Variants in FAM24A observed in about 807,000 individuals in gnomAD.
FAM24A encodes family with sequence similarity 24 member A.
Under a neutral mutation model 2.8 loss-of-function variants are expected in FAM24A, and 2 were observed. The ratio of observed to expected loss-of-function variants is 0.73; its 90% CI spans 0.30 to 2.28. The LOEUF is 2.28. Among genes scored for constraint, FAM24A ranks in the 30% most tolerant of loss-of-function variants. The pLI is 0.12. For synonymous variants in FAM24A, 46 were observed against 47.5 expected, an observed-to-expected ratio of 0.97 and a Z score of 0.13; for missense variants, 109 against 132.0, an observed-to-expected ratio of 0.83 and a Z score of 0.85.
At position 122,913,025 on chromosome 10, in the gene FAM24A, G is replaced by C; in HGVS notation, c.*71G>C. 7.1e-7 allele frequency: 1 copy of C among 1,414,492 alleles called. No individual in the cohort carries two copies. The highest frequency in any genetic ancestry group is 1.4e-5 in the South Asian group (1 of 73,230). 87.6% of individuals were successfully genotyped at this position (1,414,492 alleles called of 1,614,324 possible). A position where few individuals can be genotyped will look rare whatever the true frequency, so the allele number is the denominator to read the frequency against. ...CTTAATAGAATGTTTTATTATTCAA[G>C]TCAAGTTCTAGAGTGTTTACATACT... On this transcript the variant is annotated 3_prime_UTR_variant, in exon 3 of 3. Coordinates refer to ENST00000368894, the MANE Select transcript of FAM24A (RefSeq NM_001029888.3).
Position 122,913,049 on chromosome 10 carries a change from C to G in FAM24A, c.*95C>G. ...AGTCAAGTTCTAGAGTGTTTACATA[C>G]TATTATATAATGTACAGTGTTATTT... On this transcript the variant is annotated 3_prime_UTR_variant, in exon 3 of 3. Coordinates refer to ENST00000368894, the MANE Select transcript of FAM24A (RefSeq NM_001029888.3). 1 of 1,115,848 alleles carries G rather than the reference C, an allele frequency of 9.0e-7. No individual in the cohort carries two copies. Among genetic ancestry groups the G allele is most frequent in the Non-Finnish European group, 1.3e-6 (1 of 786,728 alleles). 69.1% of individuals were successfully genotyped at this position (1,115,848 alleles called of 1,614,324 possible). A position where few individuals can be genotyped will look rare whatever the true frequency, so the allele number is the denominator to read the frequency against.
Position 122,911,649 on chromosome 10 carries a change from T to C in FAM24A, c.15T>C (p.Phe5=). The C allele has an allele frequency of 6.2e-7, 1 of 1,613,984 alleles. No individual in the cohort carries two copies. The highest frequency in any genetic ancestry group is 2.2e-5 in the East Asian group (1 of 44,876). MAKM[F]DLRTKIMIGI... ...TCTCCTTAGGCATGGCAAAGATGTT[T>C]GATCTCAGGACGAAGATCATGATCG... Residue 5 remains phenylalanine (F), a synonymous_variant, in exon 2 of 3, where the codon TTT becomes TTC. Transcript: ENST00000368894.
In FAM24A at chr10:122,912,801, C is replaced by G. The variant is rs1446285991; in HGVS notation, c.165C>G (p.His55Gln). The change falls in exon 3 of 3, where the codon CAC becomes CAG. Residue 55 changes from histidine to glutamine, a missense_variant. Physicochemically the swap from His to Gln is conservative, Grantham distance 24. Coordinates refer to ENST00000368894, the MANE Select transcript of FAM24A (RefSeq NM_001029888.3). ...KDPDAVAVKNHNPDKVCWATN... is the reference protein window; with the variant it reads ...KDPDAVAVKNQNPDKVCWATN... ...CTGATGCTGTGGCTGTAAAAAATCACAACCCAGACAAGGTGTGTTGGGCCA... is the reference window on the plus strand; with the variant it reads ...CTGATGCTGTGGCTGTAAAAAATCAGAACCCAGACAAGGTGTGTTGGGCCA... 1.9e-6 allele frequency: 3 copies of G among 1,613,604 alleles called. No homozygotes were observed. The highest frequency in any genetic ancestry group is 2.5e-6 in the Non-Finnish European group (3 of 1,179,920).
At chr10:122,911,899 C>CAGAA in intron 2 of FAM24A, 140 bp downstream of exon 2, 2 of 1,073,006 alleles carry the variant, frequency 1.9e-6, no homozygotes, top group Non-Finnish European at 1.4e-6. Context: ...TTTGAAAAGG[C>CAGAA]AGAAATGGCA....
rs775879580 is a variant in FAM24A at position 122,910,703 on chromosome 10, C to G, written c.-119C>G. The G allele has an allele frequency of 1.3e-5, 2 of 152,096 alleles. No individual in the cohort carries two copies. Among genetic ancestry groups the G allele is most frequent in the African/African-American group, 2.4e-5 (1 of 41,414 alleles). 9.4% of individuals were successfully genotyped at this position (152,096 alleles called of 1,614,324 possible). A position where few individuals can be genotyped will look rare whatever the true frequency, so the allele number is the denominator to read the frequency against. ...TACTCCTAGCAGGGATAATTAGGTC[C>G]CTCTTTCTCAGATTACAGGTTTGAG... On this transcript the variant is annotated 5_prime_UTR_variant, in exon 1 of 3. Transcript: ENST00000368894.
Position 122,912,841 on chromosome 10 carries a change from A to G in FAM24A, c.205A>G (p.Lys69Glu). ...GTGTTGGGCCACGAACAGCCAGGCC[A>G]AAGCCACCACCATGGAGTCTTGTCC... ...KVCWATNSQA[K>E]ATTMESCPSL... Residue 69 changes from lysine (K) to glutamate (E), a missense_variant, in exon 3 of 3, where the codon AAA (lysine) becomes GAA (glutamate). Transcript: ENST00000368894. 1.2e-6 allele frequency: 2 copies of G among 1,614,216 alleles called. No individual in the cohort carries two copies. The highest frequency in any genetic ancestry group is 1.7e-6 in the Non-Finnish European group (2 of 1,180,046).
Position 122,912,978 on chromosome 10 carries a change from T to A in FAM24A, c.*24T>A. On this transcript the variant is annotated 3_prime_UTR_variant, in exon 3 of 3. Coordinates refer to ENST00000368894, the MANE Select transcript of FAM24A (RefSeq NM_001029888.3). ...GACTTGGGAAAGCTGGGCACAAAAA[T>A]CTTCATGAGCAATATTTCTTTCTTA... The A allele has an allele frequency of 6.3e-7, 1 of 1,575,212 alleles. No individual in the cohort carries two copies. Among genetic ancestry groups the A allele is most frequent in the Non-Finnish European group, 8.6e-7 (1 of 1,162,308 alleles).
rs1294880785 is a variant in FAM24A, at chr10:122,911,614, C to T, written c.-2-19C>T. 1.9e-6 allele frequency: 3 copies of T among 1,612,342 alleles called. No homozygotes were observed. Among genetic ancestry groups the T allele is most frequent in the Non-Finnish European group, 2.5e-6 (3 of 1,179,590 alleles). On this transcript the variant is annotated intron_variant, in intron 1 of 2. Coordinates refer to ENST00000368894, the MANE Select transcript of FAM24A (RefSeq NM_001029888.3). ...TGGGGAGGAAGGCCACGTTCTGCTT[C>T]CCTGCACTTTCTCCTTAGGCATGGC...
At chr10:122,911,092 A>G (rs1470686939) in intron 1 of FAM24A, among the ~76,000 whole-genome samples, 1 of 152,182 alleles carries the variant, frequency 6.6e-6, no homozygotes, top group African/African-American at 2.4e-5. Context: ...AAGTGTCAGG[A>G]ATCTCCTTAA....
At chr10:122,912,460 G>A (rs1564714936) in intron 2 of FAM24A, among the ~76,000 whole-genome samples, 1 of 151,952 alleles carries the variant, frequency 6.6e-6, no homozygotes, top group Non-Finnish European at 1.5e-5. Context: ...CCGGAGCCTG[G>A]GGCACAGCTG....
Position 122,912,876 on chromosome 10 carries a change from G to GTAT in FAM24A, c.241_242insATT (p.Gln80_Cys81insTyr). 6.2e-7 allele frequency: 1 copy of GTAT among 1,614,176 alleles called. No homozygotes were observed. Among genetic ancestry groups the GTAT allele is most frequent in the East Asian group, 2.2e-5 (1 of 44,870 alleles). ...CCATGGAGTCTTGTCCATCTCTCCAGTGCTGTGAAGGTTGTAGAATGCATG... is the reference window on the plus strand; with the variant it reads ...CCATGGAGTCTTGTCCATCTCTCCAGTATTGCTGTGAAGGTTGTAGAATGCATG... On this transcript the variant is annotated inframe_insertion, in exon 3 of 3. Coordinates refer to ENST00000368894, the MANE Select transcript of FAM24A (RefSeq NM_001029888.3).
rs12779420 is a variant in FAM24A, at chr10:122,911,122, G to A, written c.-3+303G>A. 4.8e-4 allele frequency among the ~76,000 whole-genome samples: 73 copies of A among 152,206 alleles called. 1 individual carries two copies. The South Asian group carries it at 9.1e-3, about 19-fold the overall frequency. On this transcript the variant is annotated intron_variant, in intron 1 of 2. Coordinates refer to ENST00000368894, the MANE Select transcript of FAM24A (RefSeq NM_001029888.3). ...CCTTAAACCCTGAGATAACCCAGTT[G>A]TTGGTGGGAAAATTGAAAACTGTTT...
intron 1 of FAM24A, among the ~76,000 whole-genome samples, chr10:122,911,143 T>G (rs975047415): frequency 6.6e-6 from 1 of 152,218 alleles, no homozygotes; most frequent in African/African-American, 2.4e-5. Flanking sequence ...AATTGAAAAC[T>G]GTTTTTCCCA....
rs747115886 is a variant in FAM24A, at chr10:122,912,901, GC to G, written c.267del (p.Ser90ValfsTer12). The G allele has an allele frequency of 6.2e-7, 1 of 1,613,886 alleles. No homozygotes were observed. The highest frequency in any genetic ancestry group is 1.7e-5 in the Admixed American group (1 of 59,984). On this transcript the variant is annotated frameshift_variant, in exon 3 of 3. Coordinates refer to ENST00000368894, the MANE Select transcript of FAM24A (RefSeq NM_001029888.3). LOFTEE classifies it low-confidence loss of function (END_TRUNC). Reference sequence around the variant, plus strand: ...GTGCTGTGAAGGTTGTAGAATGCATGCCAGTTCTGATTCCCTGCCACCTTGC... The same window carrying G: ...GTGCTGTGAAGGTTGTAGAATGCATGCAGTTCTGATTCCCTGCCACCTTGC... ...LQCCEGCRMHASSDSLPPCCC... is the reference protein window; with the variant it reads ...LQCCEGCRMHXSSDSLPPCCC...
In FAM24A at chr10:122,912,948, C is replaced by A; in HGVS notation, c.312C>A (p.Gly104=). Residue 104 remains glycine, a synonymous_variant, in exon 3 of 3, where the codon GGC becomes GGA. Transcript: ENST00000368894. ...CTTGCTGTTGTGACATAAATGAGGG[C>A]CTCTGACTTGGGAAAGCTGGGCACA... ...LPPCCCDINE[G]L is the part of the protein sequence containing the mutation. 1 of 1,594,550 alleles carries A rather than the reference C, an allele frequency of 6.3e-7. No individual in the cohort carries two copies. Among genetic ancestry groups the A allele is most frequent in the Non-Finnish European group, 8.5e-7 (1 of 1,173,314 alleles).
chr10:122,913,045 C>T lies in FAM24A; in HGVS notation c.*91C>T. 8.5e-7 allele frequency: 1 copy of T among 1,170,082 alleles called. No individual in the cohort carries two copies. Among genetic ancestry groups the T allele is most frequent in the East Asian group, 2.5e-5 (1 of 40,156 alleles). 72.5% of individuals were successfully genotyped at this position (1,170,082 alleles called of 1,614,324 possible). A position where few individuals can be genotyped will look rare whatever the true frequency, so the allele number is the denominator to read the frequency against. On this transcript the variant is annotated 3_prime_UTR_variant, in exon 3 of 3. Transcript: ENST00000368894. ...TTCAAGTCAAGTTCTAGAGTGTTTA[C>T]ATACTATTATATAATGTACAGTGTT...
chr10:122,911,680 G>A lies in FAM24A; in HGVS notation c.46G>A (p.Gly16Arg), dbSNP rs148129366. The stretch of plus-strand genomic sequence containing the variant: ...CAGGACGAAGATCATGATCGGCATC[G>A]GAAGCAGCTTACTGGTTGCCGCGAT... ...DLRTKIMIGI[G>R]SSLLVAAMVL... is the part of the protein sequence containing the mutation. The change falls in exon 2 of 3, where the codon GGA (glycine) becomes AGA (arginine). Residue 16 changes from glycine to arginine, a missense_variant. By Grantham distance (125) the Gly-to-Arg change is moderately radical. Coordinates refer to ENST00000368894, the MANE Select transcript of FAM24A (RefSeq NM_001029888.3). The A allele has an allele frequency of 5.9e-5, 95 of 1,614,062 alleles. No homozygotes were observed. The highest frequency in any genetic ancestry group is 7.6e-5 in the Non-Finnish European group (90 of 1,180,034).
In FAM24A at chr10:122,911,899, C is replaced by T; in HGVS notation, c.125+140C>T. On this transcript the variant is annotated intron_variant, in intron 2 of 2. Transcript: ENST00000368894. ...AGAACAAGAAGCAGTTTTGAAAAGG[C>T]AGAAATGGCAGCTGAGTGTAAAATC... The T allele has an allele frequency of 2.8e-6, 3 of 1,073,006 alleles. No homozygotes were observed. In the South Asian group the frequency reaches 4.6e-5, roughly 17 times the overall value. The allele number at this position is 1,073,006 out of a possible 1,614,324, so 66.5% of individuals were successfully genotyped here.
At chr10:122,911,237 A>G (rs1265081370) in intron 1 of FAM24A, among the ~76,000 whole-genome samples, 2 of 152,214 alleles carry the variant, frequency 1.3e-5, no homozygotes, top group African/African-American at 4.8e-5. Context: ...TTAGTTTCAT[A>G]AAATAATTTT....
Sources: gnomAD v4.1 joint callset for allele counts (sites outside exome capture counted in the v4.1 genomes callset) on GRCh38, gnomAD v4.1.1 for gene constraint, MANE v1.5 for transcripts, NCBI Gene and HGNC (gene_info 2026-07-23, HGNC 2026-07-21) for gene names.